The following ABCB7 variants were observed in gnomAD, a reference collection of about 807,000 sequenced individuals.
The protein encoded by ABCB7 is iron-sulfur clusters transporter ABCB7, mitochondrial.
Under a neutral mutation model 54.4 loss-of-function variants are expected in ABCB7, and 7 were observed. The observed-to-expected ratio is 0.13, with a 90% CI of 0.07 to 0.24. ABCB7 has a LOEUF of 0.24. Ranked by LOEUF, ABCB7 falls within the 10% of genes least tolerant of loss-of-function variation. The probability of loss-of-function intolerance (pLI) is 1.00; values close to 1 mark genes in which losing one functional copy is unlikely to be tolerated. For missense variants in ABCB7, 356 were observed against 570.4 expected, an observed-to-expected ratio of 0.62 and a Z score of 3.83; for synonymous variants, 218 against 207.1, an observed-to-expected ratio of 1.05 and a Z score of -0.45.
intron 3 of ABCB7, among the ~76,000 whole-genome samples, chrX:75,100,564 C>T (rs773557704): frequency 1.8e-5 from 2 of 111,339 alleles, no homozygotes; most frequent in African/African-American, 6.5e-5. Context: ...CCTTCAACCT[C>T]TTTCAACTAG....
chrX:75,115,786 TG>T (rs375102120), intron 1 of ABCB7, among the ~76,000 whole-genome samples: 5,317 of 91,530 alleles, frequency 0.058, 340 homozygotes, highest in African/African-American at 0.18. Flanking sequence ...GTGTGTGTGT[TG>T]GGGGGGGGGG....
In ABCB7 at chrX:75,088,932, C is replaced by T. The variant is rs192164379; in HGVS notation, c.453+10010G>A. ...CATATCATATTCAAACTACAAAAATCAAAGACAAAAATAATCTTAAAAGAA... is the reference window on the plus strand; with the variant it reads ...CATATCATATTCAAACTACAAAAATTAAAGACAAAAATAATCTTAAAAGAA... On this transcript the variant is annotated intron_variant, in intron 4 of 15. Transcript: ENST00000373394. 6.5e-5 allele frequency among the ~76,000 whole-genome samples: 7 copies of T among 106,993 alleles called. No individual in the cohort carries two copies. In the East Asian group the frequency reaches 1.2e-3, roughly 18 times the overall value. 92.9% of individuals were successfully genotyped at this position (106,993 alleles called of 115,157 possible). A position where few individuals can be genotyped will look rare whatever the true frequency, so the allele number is the denominator to read the frequency against.
chrX:75,134,681 A>G (rs1019973454), intron 1 of ABCB7, among the ~76,000 whole-genome samples: 2 of 112,204 alleles, frequency 1.8e-5, no homozygotes, highest in Admixed American at 1.9e-4. Context: ...ATCACTCAAT[A>G]CTATAAAAGT....
chrX:75,055,473 G>A (rs2081230054), intron 15 of ABCB7, among the ~76,000 whole-genome samples: 1 of 100,167 alleles, frequency 1.0e-5, no homozygotes, highest in South Asian at 5.1e-4. Flanking sequence ...TTGGGAGGCC[G>A]AGATGAGAGG....
chrX:75,106,047 C>T lies in ABCB7; in HGVS notation c.333+6839G>A, dbSNP rs371441517. On this transcript the variant is annotated intron_variant, in intron 3 of 15. Transcript: ENST00000373394. ...TAGAAAAAACTTTTCTAGACATTGG[C>T]CTAGGTAAAGAATTTATGACTAAGA... is the stretch of plus-strand genomic sequence containing the variant. Among the ~76,000 whole-genome samples, 12 of 111,174 alleles carry T rather than the reference C, an allele frequency of 1.1e-4. 1 individual carries two copies. The highest frequency in any genetic ancestry group is 8.5e-4 in the East Asian group (3 of 3,549).
At position 75,060,268 on chromosome X, in the gene ABCB7, T is replaced by C; in HGVS notation, c.1998A>G (p.Arg666=). ...CATCTGCATCAACCACTGTTGACAATCTGTGTGCAATGAAAATAGAAGTTC... is the reference window on the plus strand; with the variant it reads ...CATCTGCATCAACCACTGTTGACAACCTGTGTGCAATGAAAATAGAAGTTC... The part of the protein sequence containing the change: ...KHRTSIFIAH[R]LSTVVDADEI... The change falls in exon 15 of 16, where the codon AGA becomes AGG. Residue 666 remains arginine, a synonymous_variant. Transcript: ENST00000373394. 5.0e-6 allele frequency: 6 copies of C among 1,211,212 alleles called. No individual in the cohort carries two copies. The highest frequency in any genetic ancestry group is 6.7e-6 in the Non-Finnish European group (6 of 894,898).
At chrX:75,072,417 C>G (rs1251530883) in intron 8 of ABCB7, among the ~76,000 whole-genome samples, 1 of 111,847 alleles carries the variant, frequency 8.9e-6, no homozygotes. Context: ...ATGGTATAGT[C>G]TACCACTCAC....
intron 4 of ABCB7, among the ~76,000 whole-genome samples, chrX:75,083,595 T>C (rs1474597311): frequency 2.9e-5 from 3 of 105,214 alleles, no homozygotes; most frequent in African/African-American, 1.2e-4. Flanking sequence ...AAGTTTATTC[T>C]AAAATTTATA....
At chrX:75,070,301 G>T in intron 10 of ABCB7, 64 bp downstream of exon 10, 1 of 1,080,184 alleles carries the variant, frequency 9.3e-7, no homozygotes, top group Non-Finnish European at 1.3e-6. Context: ...AATATTCCTA[G>T]AATAATCCTA....
intron 1 of ABCB7, among the ~76,000 whole-genome samples, chrX:75,154,926 G>A (rs1473941808): frequency 8.9e-6 from 1 of 112,137 alleles, no homozygotes; most frequent in Non-Finnish European, 1.9e-5. Flanking sequence ...CATTCCATCA[G>A]CCTTCCACAT....
intron 3 of ABCB7, among the ~76,000 whole-genome samples, chrX:75,105,857 T>C (rs903050606): frequency 9.0e-6 from 1 of 111,534 alleles, no homozygotes; most frequent in African/African-American, 3.3e-5. Context: ...TAACAGATCT[T>C]TGACAAAGTT....
chrX:75,070,796 G>GT (rs1352155430), intron 9 of ABCB7, among the ~76,000 whole-genome samples: 1 of 110,808 alleles, frequency 9.0e-6, no homozygotes, highest in African/African-American at 3.3e-5. Flanking sequence ...AAAATTTTCT[G>GT]TTTTTTTCCC....
chrX:75,094,048 ATATATC>A (rs1319504179), intron 4 of ABCB7, among the ~76,000 whole-genome samples: 322 of 22,718 alleles, frequency 0.014, 1 homozygote, highest in Non-Finnish European at 0.12. Flanking sequence ...ATATATATAT[ATATATC>A]TATCTTATTA....
intron 14 of ABCB7, 101 bp from the exon 15 acceptor site, chrX:75,060,431 A>C: frequency 1.5e-6 from 1 of 657,352 alleles, no homozygotes; most frequent in Admixed American, 2.7e-5. Flanking sequence ...GGAACATAAA[A>C]AATGCCAGTT....
At chrX:75,073,361 A>G (rs772249729) in intron 8 of ABCB7, among the ~76,000 whole-genome samples, 1 of 111,863 alleles carries the variant, frequency 8.9e-6, no homozygotes, top group East Asian at 2.8e-4. Flanking sequence ...AATGGCTACA[A>G]TGTCACTTGC....
At chrX:75,100,107 C>G (rs953077385) in intron 3 of ABCB7, among the ~76,000 whole-genome samples, 2 of 110,822 alleles carry the variant, frequency 1.8e-5, no homozygotes, top group Non-Finnish European at 3.8e-5. Context: ...TAAATATGCT[C>G]TAAGTTGAAT....
chrX:75,108,551 A>C (rs2081725160), intron 3 of ABCB7, among the ~76,000 whole-genome samples: 2 of 107,986 alleles, frequency 1.9e-5, no homozygotes, highest in Non-Finnish European at 3.8e-5. Flanking sequence ...GGAATTAGAT[A>C]GTCATAGTTA....
At chrX:75,112,825 A>G (rs891292361) in intron 3 of ABCB7, 61 bp downstream of exon 3, 3 of 903,022 alleles carry the variant, frequency 3.3e-6, no homozygotes, top group South Asian at 2.0e-5. Context: ...TCTTAAATAC[A>G]TATATCTTCT....
chrX:75,134,569 C>G (rs1302952641), intron 1 of ABCB7, among the ~76,000 whole-genome samples: 1 of 112,062 alleles, frequency 8.9e-6, no homozygotes, highest in Non-Finnish European at 1.9e-5. Context: ...AGACCATATG[C>G]TTTACCATAA....
Sources: allele counts gnomAD v4.1 joint callset (sites outside exome capture counted in the v4.1 genomes callset), GRCh38; gene constraint gnomAD v4.1.1; transcripts MANE v1.5; gene names NCBI Gene and HGNC (gene_info 2026-07-23, HGNC 2026-07-21).